RNF123: variants seen among roughly 807,000 people sequenced by gnomAD.
RNF123 encodes ring finger protein 123, also known as E3 ubiquitin-protein ligase RNF123.
A neutral mutation model predicts 168.5 loss-of-function variants in RNF123; 86 were observed. That is an observed-to-expected ratio of 0.51 (90% CI 0.43 to 0.61). The LOEUF is 0.61. Ranked by LOEUF, RNF123 falls within the 20% of genes least tolerant of loss-of-function variation. The pLI is 0.00. For synonymous variants in RNF123, 666 were observed against 689.1 expected, an observed-to-expected ratio of 0.97 and a Z score of 0.52; for missense variants, 1,419 against 1,729.7, an observed-to-expected ratio of 0.82 and a Z score of 3.19.
intron 21 of RNF123, among the ~76,000 whole-genome samples, chr3:49,704,270 C>T (rs2054467716): frequency 6.6e-6 from 1 of 152,048 alleles, no homozygotes; most frequent in East Asian, 1.9e-4. Flanking sequence ...CCTGGCATCT[C>T]CTTTTGTTTA....
At position 49,697,870 on chromosome 3, in the gene RNF123, C is replaced by G. The variant is rs756485274; in HGVS notation, c.343-15C>G. The G allele has an allele frequency of 4.3e-6, 7 of 1,614,166 alleles. No homozygotes were observed. The East Asian group carries it at 1.6e-4, about 36-fold the overall frequency. On this transcript the variant is annotated splice_polypyrimidine_tract_variant and intron_variant, in intron 5 of 38. Coordinates refer to ENST00000327697, the MANE Select transcript of RNF123 (RefSeq NM_022064.5). ...GTGCCTGGGAGCTAGCCCACCACCC[C>G]TCTTCTTCACCCAGGTGATTGGACA...
chr3:49,697,453 TG>T lies in RNF123; in HGVS notation c.342+1del. On this transcript the variant is annotated frameshift_variant, in exon 5 of 39. Coordinates refer to ENST00000327697, the MANE Select transcript of RNF123 (RefSeq NM_022064.5). LOFTEE classifies it high-confidence loss of function. Reference protein sequence around the residue: ...EGLLLVDDDLLGVIGHSNFGT... With the variant: ...EGLLLVDDDLXGVIGHSNFGT... Reference sequence around the variant, plus strand: ...CTTCTCCTGGTGGATGATGACCTGCTGGGGGTGAGTGAGGGTGAGGTGTGGA... The same window carrying T: ...CTTCTCCTGGTGGATGATGACCTGCTGGGGTGAGTGAGGGTGAGGTGTGGA... 1 of 1,601,996 alleles carries T rather than the reference TG, an allele frequency of 6.2e-7. No homozygotes were observed. The highest frequency in any genetic ancestry group is 8.5e-7 in the Non-Finnish European group (1 of 1,173,864).
intron 3 of RNF123, among the ~76,000 whole-genome samples, chr3:49,693,069 G>A (rs894320805): frequency 1.4e-5 from 2 of 146,334 alleles, no homozygotes; most frequent in Non-Finnish European, 3.0e-5. Flanking sequence ...TTTTTTTTGA[G>A]ACGGAGTCTT....
chr3:49,693,538 G>A (rs1459181781), intron 3 of RNF123, among the ~76,000 whole-genome samples: 5 of 151,564 alleles, frequency 3.3e-5, no homozygotes, highest in Non-Finnish European at 7.4e-5. Context: ...GGTATTTTTA[G>A]TAGAGATGGG....
At chr3:49,712,279 C>T (rs764112125) in intron 26 of RNF123, among the ~76,000 whole-genome samples, 200 bp from the exon 27 acceptor site, 1 of 152,092 alleles carries the variant, frequency 6.6e-6, no homozygotes, top group African/African-American at 2.4e-5. Context: ...CACAGTAATG[C>T]GCCCTCCAGG....
intron 26 of RNF123, among the ~76,000 whole-genome samples, chr3:49,708,473 T>A (rs2080077840): frequency 6.6e-6 from 1 of 152,128 alleles, no homozygotes; most frequent in Non-Finnish European, 1.5e-5. Flanking sequence ...GGTTCTGGCA[T>A]CAGGTCCCTG....
chr3:49,702,811 C>G, intron 20 of RNF123, 58 bp downstream of exon 20: 1 of 1,610,298 alleles, frequency 6.2e-7, no homozygotes, highest in Non-Finnish European at 8.5e-7. Context: ...CGTAGGGCAG[C>G]CCCTAATGTT....
Position 49,716,186 on chromosome 3 carries a change from C to T in RNF123, c.3415+9C>T, listed in dbSNP as rs755738671. 2 of 1,613,232 alleles carry T rather than the reference C, an allele frequency of 1.2e-6. No individual in the cohort carries two copies. On this transcript the variant is annotated intron_variant, in intron 34 of 38. Coordinates refer to ENST00000327697, the MANE Select transcript of RNF123 (RefSeq NM_022064.5). ...CACCCTACGGCTGCCTGGTGAGGACCTAGATGCCCTGCACCCCAACACACT... is the reference window on the plus strand; with the variant it reads ...CACCCTACGGCTGCCTGGTGAGGACTTAGATGCCCTGCACCCCAACACACT...
chr3:49,698,570 C>A, intron 8 of RNF123, 44 bp downstream of exon 8: 1 of 1,601,866 alleles, frequency 6.2e-7, no homozygotes, highest in Non-Finnish European at 8.6e-7. Context: ...ATGACTGTTA[C>A]TACAGCTTAT....
intron 35 of RNF123, chr3:49,718,924 C>T (rs2080317935): frequency 1.2e-6 from 2 of 1,613,732 alleles, no homozygotes; most frequent in East Asian, 4.5e-5. Flanking sequence ...GTGGGTGGCG[C>T]TCAGACCGTG....
At chr3:49,719,500 T>G in intron 35 of RNF123, 16 of 1,538,286 alleles carry the variant, frequency 1.0e-5, no homozygotes, top group Non-Finnish European at 1.3e-5. Context: ...AGAGCAGCTC[T>G]GTGCAGGTTG....
intron 35 of RNF123, chr3:49,718,139 C>T (rs1345390236): frequency 1.2e-6 from 2 of 1,613,262 alleles, no homozygotes; most frequent in Non-Finnish European, 1.7e-6. Context: ...CGGCTGGGTG[C>T]GTCTGGCGGT....
At chr3:49,697,696 A>T (rs1575521835) in intron 5 of RNF123, among the ~76,000 whole-genome samples, 189 bp from the exon 6 acceptor site, 1 of 152,094 alleles carries the variant, frequency 6.6e-6, no homozygotes, top group African/African-American at 2.4e-5. Flanking sequence ...TCCCTCTCTC[A>T]TCCTGCCTTG....
At chr3:49,713,875 G>GC in intron 29 of RNF123, 35 bp from the exon 30 acceptor site, 1 of 1,613,226 alleles carries the variant, frequency 6.2e-7, no homozygotes, top group Non-Finnish European at 8.5e-7. Context: ...ACCATGCCCA[G>GC]CCTCACCCCG....
intron 35 of RNF123, chr3:49,719,816 G>T: frequency 4.0e-6 from 1 of 250,712 alleles, no homozygotes. Context: ...CGCCAGATGG[G>T]GAGCAAGGCC....
At chr3:49,712,425 C>T in intron 26 of RNF123, 54 bp from the exon 27 acceptor site, 1 of 1,582,476 alleles carries the variant, frequency 6.3e-7, no homozygotes, top group Admixed American at 1.7e-5. Context: ...CCAGGACATG[C>T]CCCCAAGACC....
chr3:49,697,760 G>A, intron 5 of RNF123, 125 bp from the exon 6 acceptor site: 1 of 1,163,638 alleles, frequency 8.6e-7, no homozygotes, highest in African/African-American at 1.5e-5. Flanking sequence ...CTCAGGCACA[G>A]TGCAGTGTTG....
intron 17 of RNF123, 52 bp from the exon 18 acceptor site, chr3:49,702,031 C>G: frequency 6.3e-7 from 1 of 1,594,960 alleles, no homozygotes; most frequent in South Asian, 1.1e-5. Flanking sequence ...TGGCCCAAAC[C>G]TGCCCCCCAT....
intron 3 of RNF123, among the ~76,000 whole-genome samples, chr3:49,693,611 C>T (rs537408911): frequency 1.3e-5 from 2 of 152,232 alleles, no homozygotes; most frequent in South Asian, 4.1e-4. Flanking sequence ...CCCACCTCGA[C>T]GTCCCAAAGT....
Sources: allele counts gnomAD v4.1 joint callset (sites outside exome capture counted in the v4.1 genomes callset), GRCh38; gene constraint gnomAD v4.1.1; transcripts MANE v1.5; gene names NCBI Gene and HGNC (gene_info 2026-07-23, HGNC 2026-07-21).